CHRM3: variants seen among roughly 807,000 people sequenced by gnomAD.
CHRM3 encodes the protein muscarinic acetylcholine receptor M3.
CHRM3 carries 11 observed loss-of-function variants against 41.8 expected under a neutral mutation model. The ratio of observed to expected loss-of-function variants is 0.26; its 90% CI spans 0.17 to 0.44. The LOEUF is 0.44. Ranked by LOEUF, CHRM3 falls within the 20% of genes least tolerant of loss-of-function variation. The probability of loss-of-function intolerance (pLI) is 1.00; values close to 1 mark genes in which losing one functional copy is unlikely to be tolerated. For synonymous variants in CHRM3, 297 were observed against 301.4 expected (o/e 0.99, Z 0.15); for missense variants, 571 against 745.4 (o/e 0.77, Z 2.72).
intron 5 of CHRM3, among the ~76,000 whole-genome samples, chr1:239,720,571 G>A (rs1662866044): frequency 1.3e-5 from 2 of 151,880 alleles, no homozygotes; most frequent in Admixed American, 6.6e-5. Context: ...AAATGCTCCT[G>A]ATATTTTCAA....
chr1:239,726,576 T>C (rs893992870), intron 5 of CHRM3, among the ~76,000 whole-genome samples: 1 of 151,948 alleles, frequency 6.6e-6, no homozygotes, highest in Non-Finnish European at 1.5e-5. Context: ...AGCTCAGAAC[T>C]GACTTTAATG....
intron 1 of CHRM3, among the ~76,000 whole-genome samples, chr1:239,392,987 G>T (rs561109839): frequency 6.6e-6 from 1 of 152,188 alleles, no homozygotes; most frequent in South Asian, 2.1e-4. Context: ...GTGGTATTTT[G>T]TAGACTCACA....
chr1:239,706,224 AT>A (rs1403291358), intron 5 of CHRM3: 2 of 150,554 alleles, frequency 1.3e-5, no homozygotes, highest in Non-Finnish European at 3.0e-5. Context: ...ATAATTTATA[AT>A]TATGTTATTA....
intron 5 of CHRM3, among the ~76,000 whole-genome samples, chr1:239,759,943 C>T (rs2148644847): frequency 6.6e-6 from 1 of 152,064 alleles, no homozygotes; most frequent in African/African-American, 2.4e-5. Flanking sequence ...GAGATGGAGT[C>T]TCGCTCCATC....
At chr1:239,819,946 C>T (rs766762595) in intron 5 of CHRM3, among the ~76,000 whole-genome samples, 4 of 152,248 alleles carry the variant, frequency 2.6e-5, no homozygotes, top group African/African-American at 9.6e-5. Context: ...CCTGTCCAAC[C>T]GGATGCCTGG....
intron 1 of CHRM3, among the ~76,000 whole-genome samples, chr1:239,395,185 T>C (rs1018746489): frequency 7.2e-5 from 11 of 152,172 alleles, no homozygotes; most frequent in African/African-American, 1.9e-4. Context: ...TTCTGCAGAG[T>C]GTAGGGCTTT....
chr1:239,659,973 T>G lies in CHRM3; in HGVS notation c.-249-18213T>G, dbSNP rs138352797. ...TTCTAACTGTCTTATTCTTCTTTAC[T>G]TATTAGAGACAGGGTCTCACTCTGT... On this transcript the variant is annotated intron_variant, in intron 4 of 6. Transcript: ENST00000676153. Among the ~76,000 whole-genome samples the G allele has an allele frequency of 3.4e-4, 52 of 152,334 alleles. No homozygotes were observed. In the East Asian group the frequency reaches 9.6e-3, roughly 28 times the overall value.
intron 3 of CHRM3, among the ~76,000 whole-genome samples, chr1:239,577,059 T>G (rs2148568054): frequency 6.6e-6 from 1 of 152,286 alleles, no homozygotes; most frequent in East Asian, 1.9e-4. Flanking sequence ...AGGTTGAAAG[T>G]GGAGTATTAT....
At chr1:239,526,002 G>A (rs1669970181) in intron 2 of CHRM3, among the ~76,000 whole-genome samples, 1 of 152,182 alleles carries the variant, frequency 6.6e-6, no homozygotes, top group South Asian at 2.1e-4. Flanking sequence ...CAGCCATCCA[G>A]GTTTGGGAAT....
intron 3 of CHRM3, among the ~76,000 whole-genome samples, chr1:239,567,610 G>A (rs866275127): frequency 2.0e-5 from 3 of 152,122 alleles, no homozygotes; most frequent in Non-Finnish European, 4.4e-5. Context: ...ATTCTCTGGG[G>A]AAAGGATTGG....
At chr1:239,841,976 C>T (rs928416732) in intron 6 of CHRM3, among the ~76,000 whole-genome samples, 16 of 152,102 alleles carry the variant, frequency 1.1e-4, no homozygotes, top group South Asian at 8.3e-4. Context: ...GTAGGGGGGA[C>T]GCCTATATCA....
intron 5 of CHRM3, among the ~76,000 whole-genome samples, chr1:239,765,928 G>A (rs552928659): frequency 4.2e-4 from 64 of 150,706 alleles, no homozygotes; most frequent in Non-Finnish European, 6.3e-4. Context: ...GCAATTCTCC[G>A]GTCTCAGCCT....
At chr1:239,612,828 T>C (rs1336219913) in intron 3 of CHRM3, among the ~76,000 whole-genome samples, 1 of 152,172 alleles carries the variant, frequency 6.6e-6, no homozygotes, top group Non-Finnish European at 1.5e-5. Context: ...GCTCTGGAGC[T>C]GGACAGCCCA....
intron 6 of CHRM3, among the ~76,000 whole-genome samples, chr1:239,874,872 AT>A: frequency 6.6e-6 from 1 of 151,090 alleles, no homozygotes; most frequent in Non-Finnish European, 1.5e-5. Flanking sequence ...CTAATTTTGT[AT>A]TTTTTAGTAG....
chr1:239,720,753 T>C (rs981711839), intron 5 of CHRM3, among the ~76,000 whole-genome samples: 2 of 151,918 alleles, frequency 1.3e-5, no homozygotes, highest in Non-Finnish European at 2.9e-5. Flanking sequence ...GTAATTCATG[T>C]TGGAAATCAT....
At chr1:239,767,898 G>T (rs964860158) in intron 5 of CHRM3, among the ~76,000 whole-genome samples, 1 of 151,990 alleles carries the variant, frequency 6.6e-6, no homozygotes, top group Non-Finnish European at 1.5e-5. Flanking sequence ...TTTAAGAGCC[G>T]GCCCTGGTTC....
intron 1 of CHRM3, among the ~76,000 whole-genome samples, chr1:239,415,742 C>A (rs1251553439): frequency 6.6e-6 from 1 of 152,144 alleles, no homozygotes; most frequent in Non-Finnish European, 1.5e-5. Context: ...AGGAGAAAAA[C>A]ATTTTTCAGT....
At chr1:239,730,350 T>C (rs1663849559) in intron 5 of CHRM3, 1 of 151,946 alleles carries the variant, frequency 6.6e-6, no homozygotes, top group Non-Finnish European at 1.5e-5. Flanking sequence ...AGACACAGAC[T>C]CCATCCCCAC....
intron 5 of CHRM3, among the ~76,000 whole-genome samples, chr1:239,770,184 C>T (rs1667548706): frequency 6.6e-6 from 1 of 152,118 alleles, no homozygotes; most frequent in African/African-American, 2.4e-5. Flanking sequence ...GCTTTCATTT[C>T]AAGCATGTGT....
Sources: allele counts gnomAD v4.1 joint callset (sites outside exome capture counted in the v4.1 genomes callset), GRCh38; gene constraint gnomAD v4.1.1; transcripts MANE v1.5; gene names NCBI Gene and HGNC (gene_info 2026-07-23, HGNC 2026-07-21).